The following FBXW11 variants were observed in gnomAD, a reference collection of about 807,000 sequenced individuals.
The protein encoded by FBXW11 is F-box/WD repeat-containing protein 11.
A neutral mutation model predicts 77.6 loss-of-function variants in FBXW11; 19 were observed. The observed-to-expected ratio is 0.24, with a 90% confidence interval of 0.17 to 0.36. The LOEUF is 0.36. Among genes scored for constraint, FBXW11 ranks in the 10% least tolerant of loss-of-function variants. FBXW11 has a pLI of 1.00. For missense variants in FBXW11, 334 were observed against 704.2 expected (o/e 0.47, Z 5.95); for synonymous variants, 235 against 249.4 (o/e 0.94, Z 0.54).
At chr5:171,880,843 CCACCACCA>C (rs1474746282) in intron 7 of FBXW11, among the ~76,000 whole-genome samples, 2 of 152,224 alleles carry the variant, frequency 1.3e-5, no homozygotes, top group East Asian at 3.9e-4. Flanking sequence ...CTATAGGCGC[CCACCACCA>C]CACCCGGCTA....
chr5:171,931,041 A>T (rs1762167056), intron 2 of FBXW11, among the ~76,000 whole-genome samples: 1 of 152,182 alleles, frequency 6.6e-6, no homozygotes, highest in South Asian at 2.1e-4. Flanking sequence ...AAATTAATGA[A>T]GAGATATTCC....
chr5:171,913,743 T>C (rs1761028784), intron 3 of FBXW11, among the ~76,000 whole-genome samples: 1 of 151,926 alleles, frequency 6.6e-6, no homozygotes, highest in African/African-American at 2.4e-5. Context: ...GGGAAAGCCA[T>C]GTGTACCAGC....
intron 1 of FBXW11, among the ~76,000 whole-genome samples, chr5:171,966,950 C>T (rs1764223551): frequency 1.3e-5 from 2 of 152,190 alleles, no homozygotes; most frequent in African/African-American, 4.8e-5. Flanking sequence ...GGACCACAGA[C>T]ATCAAATCAC....
intron 4 of FBXW11, chr5:171,908,686 C>G (rs1048393622): frequency 6.6e-6 from 1 of 152,166 alleles, no homozygotes; most frequent in Non-Finnish European, 1.5e-5. Context: ...CCTTAAAACT[C>G]CCATTGTAGA....
At chr5:171,949,921 T>C in intron 2 of FBXW11, among the ~76,000 whole-genome samples, 1 of 152,154 alleles carries the variant, frequency 6.6e-6, no homozygotes, top group South Asian at 2.1e-4. Context: ...AAGTACAAGT[T>C]AGCAACCTAA....
chr5:172,001,807 T>C (rs1561766202), intron 1 of FBXW11, among the ~76,000 whole-genome samples: 2 of 152,222 alleles, frequency 1.3e-5, no homozygotes, highest in Non-Finnish European at 2.9e-5. Context: ...ATTGCTGAGA[T>C]ATAACCTAAG....
rs189916449 is a variant in FBXW11, at chr5:171,878,833, T to C, written c.853-704A>G. Among the ~76,000 whole-genome samples the C allele has an allele frequency of 1.7e-4, 26 of 152,092 alleles. No individual in the cohort carries two copies. In the East Asian group the frequency reaches 3.7e-3, roughly 21 times the overall value. On this transcript the variant is annotated intron_variant, in intron 7 of 13. Transcript: ENST00000517395. ...TCATAAAAATATTAATGAAAAAGAATTGGCTCACTCTCTGGAAAGCAACAT... is the reference window on the plus strand; with the variant it reads ...TCATAAAAATATTAATGAAAAAGAACTGGCTCACTCTCTGGAAAGCAACAT...
intron 1 of FBXW11, among the ~76,000 whole-genome samples, chr5:171,988,910 C>T (rs1399923379): frequency 6.6e-6 from 1 of 151,862 alleles, no homozygotes; most frequent in African/African-American, 2.4e-5. Context: ...AGCATGGTGG[C>T]TCACGCCTGT....
chr5:171,984,747 C>T (rs1183639129), intron 1 of FBXW11, among the ~76,000 whole-genome samples: 3 of 152,108 alleles, frequency 2.0e-5, no homozygotes, highest in Admixed American at 2.0e-4. Flanking sequence ...AAAAATTTAG[C>T]TCCATAATTA....
intron 9 of FBXW11, among the ~76,000 whole-genome samples, chr5:171,873,914 G>T (rs1190646583): frequency 1.3e-5 from 2 of 152,168 alleles, no homozygotes; most frequent in Non-Finnish European, 2.9e-5. Flanking sequence ...ACAAGTAAAA[G>T]AATGGCACTG....
intron 2 of FBXW11, among the ~76,000 whole-genome samples, chr5:171,953,862 C>T (rs1055154927): frequency 6.6e-6 from 1 of 152,120 alleles, no homozygotes; most frequent in Non-Finnish European, 1.5e-5. Flanking sequence ...ATATCAAAAG[C>T]TATGATAAGT....
At chr5:171,870,701 T>C in intron 11 of FBXW11, 47 bp downstream of exon 11, 1 of 1,391,360 alleles carries the variant, frequency 7.2e-7, no homozygotes, top group Non-Finnish European at 1.0e-6. Flanking sequence ...TTTCTCTTTC[T>C]TCTTGATACA....
chr5:171,869,090 T>C lies in FBXW11; in HGVS notation c.1531-294A>G, dbSNP rs1561629841. Among the ~76,000 whole-genome samples the C allele has an allele frequency of 1.3e-5, 2 of 152,218 alleles. No homozygotes were observed. Among genetic ancestry groups the C allele is most frequent in the Non-Finnish European group, 1.5e-5 (1 of 68,036 alleles). ...AACAACAATACATAATACCCATTCT[T>C]GATACACTCTAAAAATCCACTGGAA... On this transcript the variant is annotated intron_variant, in intron 12 of 13. Transcript: ENST00000517395. The surrounding 1 kb of genome is among the most constrained non-coding windows in gnomAD (Gnocchi z 4.1).
intron 7 of FBXW11, among the ~76,000 whole-genome samples, chr5:171,887,970 C>A (rs1045129347): frequency 6.6e-6 from 1 of 152,074 alleles, no homozygotes; most frequent in African/African-American, 2.4e-5. Flanking sequence ...TTTCTCTTTT[C>A]TTCCTTCTGT....
chr5:171,940,575 C>G (rs975118839), intron 2 of FBXW11, among the ~76,000 whole-genome samples: 1 of 151,994 alleles, frequency 6.6e-6, no homozygotes, highest in African/African-American at 2.4e-5. Context: ...AGTACTTAAA[C>G]AATTATGAGA....
At chr5:171,884,258 G>T (rs1344288212) in intron 7 of FBXW11, among the ~76,000 whole-genome samples, 2 of 152,128 alleles carry the variant, frequency 1.3e-5, no homozygotes, top group Non-Finnish European at 2.9e-5. Flanking sequence ...CCTGTATGTG[G>T]CTTGCCAATT....
chr5:172,000,907 G>A (rs549129902), intron 1 of FBXW11, among the ~76,000 whole-genome samples: 3 of 152,298 alleles, frequency 2.0e-5, no homozygotes, highest in African/African-American at 7.2e-5. Context: ...TAAGGTCATG[G>A]AGCCCTTGGA....
intron 13 of FBXW11, among the ~76,000 whole-genome samples, chr5:171,865,951 T>A (rs142431434): frequency 1.2e-4 from 18 of 152,342 alleles, no homozygotes; most frequent in Non-Finnish European, 2.2e-4. Flanking sequence ...GCTATAATTT[T>A]TTTCATGTTA....
At chr5:171,965,118 C>T (rs1469302757) in intron 1 of FBXW11, among the ~76,000 whole-genome samples, 1 of 152,072 alleles carries the variant, frequency 6.6e-6, no homozygotes, top group Non-Finnish European at 1.5e-5. Flanking sequence ...CAAGAACAGC[C>T]CAAAAGTAGT....
Sources: allele counts gnomAD v4.1 joint callset (sites outside exome capture counted in the v4.1 genomes callset), GRCh38; gene constraint gnomAD v4.1.1; non-coding constraint Gnocchi (gnomAD v3.1); transcripts MANE v1.5; gene names NCBI Gene and HGNC (gene_info 2026-07-23, HGNC 2026-07-21).